IPO11: variants seen among roughly 807,000 people sequenced by gnomAD.
IPO11 encodes importin 11.
A neutral mutation model predicts 143.2 loss-of-function variants in IPO11; 66 were observed. That is an observed-to-expected ratio of 0.46 (90% CI 0.38 to 0.57). The LOEUF (loss-of-function observed/expected upper bound fraction) is 0.57, where lower values mean the gene tolerates loss of function less well. Ranked by LOEUF, IPO11 falls within the 20% of genes least tolerant of loss-of-function variation. The pLI is 0.00. For missense variants in IPO11, 1,026 were observed against 1,141.0 expected, an observed-to-expected ratio of 0.90 and a Z score of 1.45; for synonymous variants, 385 against 377.8, an observed-to-expected ratio of 1.02 and a Z score of -0.22.
intron 27 of IPO11, among the ~76,000 whole-genome samples, chr5:62,584,843 G>T (rs529609479): frequency 2.0e-5 from 3 of 152,012 alleles, no homozygotes; most frequent in South Asian, 4.2e-4. Context: ...GGGAAGCCTG[G>T]TAGGTTAAAA....
At chr5:62,462,701 A>G (rs1463456204) in intron 5 of IPO11, among the ~76,000 whole-genome samples, 1 of 152,050 alleles carries the variant, frequency 6.6e-6, no homozygotes, top group African/African-American at 2.4e-5. Context: ...CGGCCACTAT[A>G]AAATACTTCA....
chr5:62,493,854 C>G, intron 15 of IPO11, 144 bp from the exon 16 acceptor site: 1 of 739,276 alleles, frequency 1.4e-6, no homozygotes, highest in Non-Finnish European at 2.0e-6. Context: ...TAAGCATGAG[C>G]CAGCACACCT....
Position 62,553,736 on chromosome 5 carries a change from G to A in IPO11, c.2460+2400G>A, listed in dbSNP as rs560915355. Reference sequence around the variant, plus strand: ...TGGTTGTGATTTGCATTTCCCTGATGACTAGTGATGTTGACCTTTTTTTTG... The same window carrying A: ...TGGTTGTGATTTGCATTTCCCTGATAACTAGTGATGTTGACCTTTTTTTTG... On this transcript the variant is annotated intron_variant, in intron 26 of 29. Transcript: ENST00000325324. 2.6e-5 allele frequency among the ~76,000 whole-genome samples: 4 copies of A among 151,536 alleles called. No homozygotes were observed. The South Asian group carries it at 6.3e-4, about 24-fold the overall frequency.
rs766746440 is a variant in IPO11, at chr5:62,442,968, G to A, written c.139-15G>A. 21 of 1,434,400 alleles carry A rather than the reference G, an allele frequency of 1.5e-5. No homozygotes were observed. Among genetic ancestry groups the A allele is most frequent in the Middle Eastern group, 1.8e-4 (1 of 5,672 alleles). 88.9% of individuals were successfully genotyped at this position (1,434,400 alleles called of 1,614,324 possible). A position where few individuals can be genotyped will look rare whatever the true frequency, so the allele number is the denominator to read the frequency against. On this transcript the variant is annotated splice_polypyrimidine_tract_variant and intron_variant, in intron 2 of 29. Coordinates refer to ENST00000325324, the MANE Select transcript of IPO11 (RefSeq NM_016338.5). ...TATTCCATGCTAATTCTAATATTAT[G>A]TTTTTTATTTATAGAATATTTTCAC...
intron 1 of IPO11, among the ~76,000 whole-genome samples, chr5:62,417,729 A>C (rs1743351100): frequency 6.6e-6 from 1 of 152,156 alleles, no homozygotes; most frequent in East Asian, 1.9e-4. Context: ...CTCTATTTTG[A>C]TGACTCCCAA....
chr5:62,480,925 TTTTTTTTG>T (rs1258968049), intron 9 of IPO11, among the ~76,000 whole-genome samples: 1 of 107,694 alleles, frequency 9.3e-6, no homozygotes, highest in Non-Finnish European at 2.0e-5. Flanking sequence ...TTTTTTTTTT[TTTTTTTTG>T]GAGACAGAGT....
intron 2 of IPO11, among the ~76,000 whole-genome samples, chr5:62,438,214 G>T (rs1744309303): frequency 1.3e-5 from 2 of 152,092 alleles, no homozygotes; most frequent in African/African-American, 4.8e-5. Flanking sequence ...ATTTTAACTT[G>T]TTGGCTAAAA....
chr5:62,621,128 A>T (rs1746349708), intron 29 of IPO11, among the ~76,000 whole-genome samples: 1 of 152,204 alleles, frequency 6.6e-6, no homozygotes, highest in African/African-American at 2.4e-5. Flanking sequence ...GATGATGATG[A>T]TACAATGGTC....
chr5:62,565,324 T>G (rs1743896646), intron 27 of IPO11, among the ~76,000 whole-genome samples: 2 of 152,112 alleles, frequency 1.3e-5, no homozygotes, highest in South Asian at 4.2e-4. Context: ...TCATCTCTAC[T>G]AAAAATACAA....
intron 26 of IPO11, among the ~76,000 whole-genome samples, chr5:62,556,679 GTT>G (rs1319669857): frequency 2.0e-5 from 3 of 152,072 alleles, no homozygotes; most frequent in Non-Finnish European, 4.4e-5. Flanking sequence ...CTAAAAAAAA[GTT>G]TAAATTTTTT....
intron 27 of IPO11, among the ~76,000 whole-genome samples, chr5:62,584,015 T>C (rs1744662131): frequency 6.6e-6 from 1 of 152,170 alleles, no homozygotes; most frequent in Non-Finnish European, 1.5e-5. Flanking sequence ...TATTACAAAT[T>C]GTAATTAAAG....
intron 5 of IPO11, among the ~76,000 whole-genome samples, chr5:62,465,741 A>C (rs1351071935): frequency 7.2e-5 from 11 of 152,228 alleles, no homozygotes; most frequent in Non-Finnish European, 8.8e-5. Flanking sequence ...GGGCCAAGGC[A>C]TCCCTGACTG....
intron 27 of IPO11, among the ~76,000 whole-genome samples, chr5:62,572,153 C>T (rs1426024635): frequency 6.6e-6 from 1 of 152,314 alleles, no homozygotes; most frequent in African/African-American, 2.4e-5. Flanking sequence ...TTCTATTCCA[C>T]AATCTGGTTT....
rs1451637376 is a variant in IPO11 at position 62,587,267 on chromosome 5, T to C, written c.2583-4310T>C. Among the ~76,000 whole-genome samples, 3 of 152,260 alleles carry C rather than the reference T, an allele frequency of 2.0e-5. No homozygotes were observed. In the South Asian group the frequency reaches 6.2e-4, roughly 32 times the overall value. On this transcript the variant is annotated intron_variant, in intron 27 of 29. Coordinates refer to ENST00000325324, the MANE Select transcript of IPO11 (RefSeq NM_016338.5). The stretch of plus-strand genomic sequence containing the variant: ...ATAAAAGCCTTTGTAAGGATCATTA[T>C]TGAATGCAAAAAAAATTCAACTTTC...
At chr5:62,429,174 C>G (rs1037898672) in intron 1 of IPO11, among the ~76,000 whole-genome samples, 8 of 152,274 alleles carry the variant, frequency 5.3e-5, no homozygotes, top group Admixed American at 5.2e-4. Flanking sequence ...ACATTTCCCC[C>G]CAATTCCCCA....
At chr5:62,451,598 C>T (rs1055306244) in intron 4 of IPO11, 132 bp from the exon 5 acceptor site, 1 of 746,042 alleles carries the variant, frequency 1.3e-6, no homozygotes, top group African/African-American at 1.7e-5. Flanking sequence ...CTTTGAGAAC[C>T]ACTGTTTAAG....
At chr5:62,542,106 G>A (rs1388854147) in intron 24 of IPO11, among the ~76,000 whole-genome samples, 2 of 149,742 alleles carry the variant, frequency 1.3e-5, no homozygotes, top group African/African-American at 4.9e-5. Context: ...ATGGAGTTAC[G>A]CTCTTGTTGC....
intron 1 of IPO11, among the ~76,000 whole-genome samples, chr5:62,435,033 A>AT (rs1305122437): frequency 1.4e-5 from 2 of 144,978 alleles, no homozygotes; most frequent in Admixed American, 7.1e-5. Context: ...TCAAAAAAAA[A>AT]ATATATATGT....
intron 27 of IPO11, chr5:62,579,786 T>C: frequency 6.5e-7 from 1 of 1,543,088 alleles, no homozygotes; most frequent in Non-Finnish European, 8.8e-7. Context: ...TATTTCTAAA[T>C]AATAATTTCA....
Sources: gnomAD v4.1 joint callset for allele counts (sites outside exome capture counted in the v4.1 genomes callset) on GRCh38, gnomAD v4.1.1 for gene constraint, MANE v1.5 for transcripts, NCBI Gene and HGNC (gene_info 2026-07-23, HGNC 2026-07-21) for gene names.